The following FBXO34 variants were observed in gnomAD, a reference collection of about 807,000 sequenced individuals.
FBXO34 encodes the protein F-box protein 34.
Under a neutral mutation model 24.5 loss-of-function variants are expected in FBXO34, and 12 were observed. The observed-to-expected ratio is 0.49, with a 90% confidence interval of 0.31 to 0.79. The LOEUF (loss-of-function observed/expected upper bound fraction) is 0.79, where lower values mean the gene tolerates loss of function less well. FBXO34 is among the 30% of genes least tolerant of loss of function. FBXO34 has a pLI of 0.04. For synonymous variants in FBXO34, 320 were observed against 311.9 expected, an observed-to-expected ratio of 1.03 and a Z score of -0.27; for missense variants, 823 against 857.7, an observed-to-expected ratio of 0.96 and a Z score of 0.51.
At chr14:55,340,913 T>C (rs1279874596) in intron 1 of FBXO34, among the ~76,000 whole-genome samples, 2 of 152,254 alleles carry the variant, frequency 1.3e-5, no homozygotes, top group Non-Finnish European at 2.9e-5. Flanking sequence ...ATTAAAGCAC[T>C]GATCAACTCT....
Position 55,352,607 on chromosome 14 carries a change from C to T in FBXO34, c.*81C>T, listed in dbSNP as rs1884432163. ...TACACCGTTCAAATGAGCGTAGCCC[C>T]CTGAGTCATCACTCTAGAAGAATCT... On this transcript the variant is annotated 3_prime_UTR_variant, in exon 2 of 2. Coordinates refer to ENST00000313833, the MANE Select transcript of FBXO34 (RefSeq NM_017943.4). The T allele has an allele frequency of 8.9e-7, 1 of 1,126,580 alleles. No individual in the cohort carries two copies. The highest frequency in any genetic ancestry group is 1.3e-6 in the Non-Finnish European group (1 of 799,144). The allele number at this position is 1,126,580 out of a possible 1,614,324, so 69.8% of individuals were successfully genotyped here.
intron 1 of FBXO34, among the ~76,000 whole-genome samples, chr14:55,317,453 C>A (rs1242822960): frequency 6.6e-6 from 1 of 151,966 alleles, no homozygotes; most frequent in Non-Finnish European, 1.5e-5. Context: ...TGCACTCCAG[C>A]CTGGGTGACA....
At chr14:55,436,508 G>T in the FBXO34 span, 4 of 1,452,338 alleles carry the variant, frequency 2.8e-6, no homozygotes, top group East Asian at 6.8e-5. Context: ...TCGCATTCAG[G>T]AATATAAAAT....
At chr14:55,383,588 C>A in the FBXO34 span, among the ~76,000 whole-genome samples, 19,840 of 149,328 alleles carry the variant, frequency 0.13, 2,573 homozygotes, top group African/African-American at 0.35. Context: ...ACAACAACAA[C>A]AAAAAAAACC....
At chr14:55,328,010 C>T (rs1043637473) in intron 1 of FBXO34, among the ~76,000 whole-genome samples, 5 of 145,778 alleles carry the variant, frequency 3.4e-5, no homozygotes, top group Non-Finnish European at 6.0e-5. Context: ...CTGGAGCCTC[C>T]GCCTCCTGGG....
chr14:55,360,760 G>A (rs1326415141), intron 3 of FBXO34, among the ~76,000 whole-genome samples: 1 of 152,102 alleles, frequency 6.6e-6, no homozygotes, highest in African/African-American at 2.4e-5. Flanking sequence ...CACTTTGGGA[G>A]GCCTAGGCGG....
chr14:55,399,065 T>C, the FBXO34 span, among the ~76,000 whole-genome samples: 1 of 152,186 alleles, frequency 6.6e-6, no homozygotes, highest in African/African-American at 2.4e-5. Context: ...AAGAAGTCTT[T>C]CTAAAATACT....
chr14:55,418,733 C>G, the FBXO34 span, among the ~76,000 whole-genome samples: 1 of 152,102 alleles, frequency 6.6e-6, no homozygotes, highest in African/African-American at 2.4e-5. Flanking sequence ...AATAAATAAG[C>G]GTTTTCCTGA....
downstream of FBXO34, among the ~76,000 whole-genome samples, chr14:55,365,958 G>C (rs568295959): frequency 2.0e-4 from 30 of 152,214 alleles, no homozygotes; most frequent in Non-Finnish European, 3.8e-4. Context: ...AAAAAATAAG[G>C]GTGTTGGGTT....
chr14:55,440,268 A>T, the FBXO34 span: 1 of 1,180,720 alleles, frequency 8.5e-7, no homozygotes. Flanking sequence ...CCTTCAACTT[A>T]ATGACTTGGG....
At chr14:55,322,830 T>C (rs990542939) in intron 1 of FBXO34, among the ~76,000 whole-genome samples, 2 of 151,780 alleles carry the variant, frequency 1.3e-5, no homozygotes, top group Admixed American at 1.3e-4. Flanking sequence ...TATTTGACAG[T>C]GTTGGATTTT....
chr14:55,398,435 T>G, the FBXO34 span, among the ~76,000 whole-genome samples: 1 of 152,344 alleles, frequency 6.6e-6, no homozygotes, highest in East Asian at 1.9e-4. Flanking sequence ...TGCACTGTTA[T>G]AGCTATATCC....
At chr14:55,440,410 G>C in the FBXO34 span, 1 of 1,613,058 alleles carries the variant, frequency 6.2e-7, no homozygotes, top group Non-Finnish European at 8.5e-7. Context: ...GCGGCGCACT[G>C]GTCCAGGTAG....
the FBXO34 span, chr14:55,440,419 A>G: frequency 1.9e-6 from 3 of 1,612,880 alleles, no homozygotes; most frequent in East Asian, 4.5e-5. Flanking sequence ...TGGTCCAGGT[A>G]GAGCTCCAGG....
At chr14:55,415,600 C>A in the FBXO34 span, among the ~76,000 whole-genome samples, 1 of 152,156 alleles carries the variant, frequency 6.6e-6, no homozygotes, top group Non-Finnish European at 1.5e-5. Flanking sequence ...CGTGGTGGCT[C>A]ACACCTGTAA....
the FBXO34 span, among the ~76,000 whole-genome samples, chr14:55,420,217 C>T: frequency 3.3e-5 from 5 of 152,172 alleles, no homozygotes; most frequent in Admixed American, 1.3e-4. Context: ...ATTACAGGCA[C>T]GCACCACAAT....
chr14:55,432,102 G>T, the FBXO34 span, among the ~76,000 whole-genome samples: 1 of 152,080 alleles, frequency 6.6e-6, no homozygotes, highest in African/African-American at 2.4e-5. Flanking sequence ...TTCAAAATTT[G>T]TGTTTTTTAA....
chr14:55,302,176 A>G (rs1882378410), intron 1 of FBXO34, among the ~76,000 whole-genome samples: 3 of 152,220 alleles, frequency 2.0e-5, no homozygotes, highest in African/African-American at 7.2e-5. Flanking sequence ...AGTTTCTTTT[A>G]TGAGACCTCA....
Position 55,296,382 on chromosome 14 carries a change from G to GT in FBXO34, c.-11+24853dup, listed in dbSNP as rs1285557004. Among the ~76,000 whole-genome samples the GT allele has an allele frequency of 3.0e-3, 287 of 95,724 alleles. 13 individuals are homozygous for GT. Among genetic ancestry groups the GT allele is most frequent in the African/African-American group, 7.3e-3 (192 of 26,414 alleles). 62.8% of individuals were successfully genotyped at this position (95,724 alleles called of 152,430 possible). Reference sequence around the variant, plus strand: ...AGTGGGTAGGTTTTGCTGTTCTTGTGTTTTTTTTGTTTTTTTTTTTTTTTT... The same window carrying GT: ...AGTGGGTAGGTTTTGCTGTTCTTGTGTTTTTTTTTGTTTTTTTTTTTTTTTT... On this transcript the variant is annotated intron_variant, in intron 1 of 1. Transcript: ENST00000313833.
Sources: allele counts gnomAD v4.1 joint callset (sites outside exome capture counted in the v4.1 genomes callset), GRCh38; gene constraint gnomAD v4.1.1; transcripts MANE v1.5; gene names NCBI Gene and HGNC (gene_info 2026-07-23, HGNC 2026-07-21).